Variants in LPP observed in about 807,000 individuals in gnomAD.
LPP encodes the protein LIM domain containing preferred translocation partner in lipoma, also known as lipoma-preferred partner.
LPP carries 38 observed loss-of-function variants against 60.4 expected under a neutral mutation model. The ratio of observed to expected loss-of-function variants is 0.63; its 90% CI spans 0.49 to 0.83. The LOEUF (loss-of-function observed/expected upper bound fraction) is 0.83. LPP is among the 40% of genes least tolerant of loss of function. The pLI is 0.00. For missense variants in LPP, 902 were observed against 783.6 expected (o/e 1.15, Z -1.80); for synonymous variants, 328 against 290.8 (o/e 1.13, Z -1.30).
At chr3:188,630,188 C>A (rs545179674) in intron 7 of LPP, among the ~76,000 whole-genome samples, 3 of 152,140 alleles carry the variant, frequency 2.0e-5, no homozygotes, top group South Asian at 4.1e-4. Context: ...AACAGACAGC[C>A]TATAGAAAGA....
rs1472609320 is a variant in LPP, at chr3:188,182,401, G to A, written c.-190+28149G>A. Among the ~76,000 whole-genome samples the A allele has an allele frequency of 6.6e-6, 1 of 152,102 alleles. No homozygotes were observed. Among genetic ancestry groups the A allele is most frequent in the Non-Finnish European group, 1.5e-5 (1 of 68,032 alleles). On this transcript the variant is annotated intron_variant, in intron 1 of 11. Coordinates refer to ENST00000617246, the MANE Select transcript of LPP (RefSeq NM_001375462.1). The surrounding 1 kb of genome is among the most constrained non-coding windows in gnomAD (Gnocchi z 4.4). The stretch of plus-strand genomic sequence containing the variant: ...ACTTATTTATAGTCATCCCTACCTC[G>A]TTCTTTTCATTGGTCGGAACTTCCT...
At chr3:188,437,522 GTCTC>G (rs967220056) in intron 4 of LPP, among the ~76,000 whole-genome samples, 1 of 152,104 alleles carries the variant, frequency 6.6e-6, no homozygotes, top group African/African-American at 2.4e-5. Context: ...CTACAATTCT[GTCTC>G]TCTAACACAT....
chr3:188,567,575 T>A (rs1832496647), intron 6 of LPP, among the ~76,000 whole-genome samples: 1 of 152,080 alleles, frequency 6.6e-6, no homozygotes, highest in South Asian at 2.1e-4. Context: ...GTCATACAGT[T>A]GGTCTTATAG....
At chr3:188,802,413 T>C (rs1747541997) in intron 9 of LPP, among the ~76,000 whole-genome samples, 1 of 152,182 alleles carries the variant, frequency 6.6e-6, no homozygotes, top group African/African-American at 2.4e-5. Context: ...GAACTTTCTT[T>C]ATATATAAAG....
chr3:188,168,420 G>A (rs1415493627), intron 1 of LPP, among the ~76,000 whole-genome samples: 1 of 152,204 alleles, frequency 6.6e-6, no homozygotes, highest in African/African-American at 2.4e-5. Flanking sequence ...TCTAAACTGT[G>A]TCTACGTTGA....
intron 1 of LPP, among the ~76,000 whole-genome samples, chr3:188,159,852 G>A (rs1392304651): frequency 1.3e-5 from 2 of 152,154 alleles, no homozygotes; most frequent in South Asian, 4.1e-4. Context: ...ACACAGACAG[G>A]TGGTCTGGAA....
At chr3:188,478,048 G>A (rs1803692459) in intron 4 of LPP, among the ~76,000 whole-genome samples, 1 of 152,090 alleles carries the variant, frequency 6.6e-6, no homozygotes, top group South Asian at 2.1e-4. Context: ...ATTGCCTGTA[G>A]TCTGTGGAGT....
At chr3:188,462,038 T>C (rs1268358598) in intron 4 of LPP, among the ~76,000 whole-genome samples, 1 of 152,184 alleles carries the variant, frequency 6.6e-6, no homozygotes, top group Non-Finnish European at 1.5e-5. Flanking sequence ...TAGTAATATT[T>C]AATAGTGCCT....
chr3:188,249,391 G>A (rs954848490), intron 2 of LPP, among the ~76,000 whole-genome samples: 2 of 151,854 alleles, frequency 1.3e-5, no homozygotes, highest in African/African-American at 4.8e-5. Flanking sequence ...CAAGGCTGCC[G>A]TGAGCTGAGA....
intron 2 of LPP, among the ~76,000 whole-genome samples, chr3:188,240,428 A>G (rs1723883299): frequency 6.6e-6 from 1 of 151,328 alleles, no homozygotes; most frequent in Non-Finnish European, 1.5e-5. Flanking sequence ...GAAGAGGGAG[A>G]GGTCAGATTG....
At chr3:188,819,249 A>G (rs570915542) in intron 9 of LPP, among the ~76,000 whole-genome samples, 1 of 152,216 alleles carries the variant, frequency 6.6e-6, no homozygotes, top group African/African-American at 2.4e-5. Flanking sequence ...TATCGATCCC[A>G]TCATCCACAC....
intron 3 of LPP, among the ~76,000 whole-genome samples, chr3:188,343,324 G>A (rs1295141640): frequency 1.3e-5 from 2 of 152,116 alleles, no homozygotes; most frequent in Non-Finnish European, 2.9e-5. Context: ...TTTAAAAAAG[G>A]TAGTAGCAAA....
chr3:188,633,633 T>C (rs1053491672), intron 7 of LPP, among the ~76,000 whole-genome samples: 2 of 152,146 alleles, frequency 1.3e-5, no homozygotes, highest in African/African-American at 4.8e-5. Context: ...TAAAGTCAGA[T>C]AGGGTGAGGA....
intron 2 of LPP, among the ~76,000 whole-genome samples, chr3:188,290,193 C>T (rs369636124): frequency 6.6e-6 from 1 of 152,110 alleles, no homozygotes; most frequent in Non-Finnish European, 1.5e-5. Flanking sequence ...CCAAGCTGGT[C>T]TCGATCTCCT....
intron 7 of LPP, among the ~76,000 whole-genome samples, chr3:188,636,463 G>A (rs1848796939): frequency 6.6e-6 from 1 of 152,196 alleles, no homozygotes; most frequent in South Asian, 2.1e-4. Flanking sequence ...CTGCAAGGCT[G>A]CAGCAAGACT....
chr3:188,155,876 G>T (rs577318563), intron 1 of LPP, among the ~76,000 whole-genome samples: 3 of 152,234 alleles, frequency 2.0e-5, no homozygotes, highest in Admixed American at 6.5e-5. Context: ...TTAGCTGGGT[G>T]TGGTGGCGGG....
intron 2 of LPP, among the ~76,000 whole-genome samples, chr3:188,252,071 T>TAC (rs769104961): frequency 2.4e-3 from 229 of 93,764 alleles, no homozygotes; most frequent in African/African-American, 0.011. Context: ...TATATATATA[T>TAC]ATATACACAC....
chr3:188,860,821 T>C (rs76620551), intron 9 of LPP, among the ~76,000 whole-genome samples: 2 of 152,194 alleles, frequency 1.3e-5, no homozygotes, highest in Non-Finnish European at 2.9e-5. Context: ...GATCTTAACA[T>C]GTTTTCTCTA....
At chr3:188,706,026 TTACAGAAGG>T (rs1209130655) in intron 7 of LPP, among the ~76,000 whole-genome samples, 1 of 152,208 alleles carries the variant, frequency 6.6e-6, no homozygotes, top group African/African-American at 2.4e-5. Context: ...TCCTGGGTTC[TTACAGAAGG>T]TACACAAAAT....
Sources: gnomAD v4.1 joint callset for allele counts (sites outside exome capture counted in the v4.1 genomes callset) on GRCh38, gnomAD v4.1.1 for gene constraint, Gnocchi (gnomAD v3.1) non-coding constraint, MANE v1.5 for transcripts, NCBI Gene and HGNC (gene_info 2026-07-23, HGNC 2026-07-21) for gene names.